Variants in RYR1 observed in about 807,000 individuals in gnomAD.
The protein encoded by RYR1 is central core disease of muscle.
RYR1 carries 342 observed loss-of-function variants against 583.5 expected under a neutral mutation model. The ratio of observed to expected loss-of-function variants is 0.59; its 90% CI spans 0.54 to 0.64. The LOEUF (loss-of-function observed/expected upper bound fraction) is 0.64, where lower values mean the gene tolerates loss of function less well. Ranked by LOEUF, RYR1 falls within the 30% of genes least tolerant of loss-of-function variation. The pLI is 0.00. For missense variants in RYR1, 6,032 were observed against 6,917.2 expected (o/e 0.87, Z 4.54); for synonymous variants, 2,791 against 2,822.5 (o/e 0.99, Z 0.35).
Position 38,520,367 on chromosome 19 carries a change from C to CTT in RYR1, c.10259+927_10259+928dup, listed in dbSNP as rs34261000. Among the ~76,000 whole-genome samples, 1,100 of 136,792 alleles carry CTT rather than the reference C, an allele frequency of 8.0e-3. 11 individuals carry two copies. Among genetic ancestry groups the CTT allele is most frequent in the African/African-American group, 0.026 (956 of 37,196 alleles). 89.7% of individuals were successfully genotyped at this position (136,792 alleles called of 152,430 possible). ...AGAAGTGAGCCACCACACTTAGCTG[C>CTT]TTTTTTTTTTTTTTTAACACAACAA... On this transcript the variant is annotated intron_variant, in intron 67 of 105. Coordinates refer to ENST00000359596, the MANE Select transcript of RYR1 (RefSeq NM_000540.3).
intron 99 of RYR1, among the ~76,000 whole-genome samples, chr19:38,578,734 T>C (rs979620281): frequency 2.0e-5 from 3 of 152,062 alleles, no homozygotes; most frequent in African/African-American, 7.2e-5. Flanking sequence ...GAGGCTGCAG[T>C]GAGCCAAGAT....
In RYR1 at chr19:38,461,234, A is replaced by G. The variant is rs1055119728; in HGVS notation, c.2577+643A>G. ...TCGCGCTTGAGCCCGAAAGTTCGAG[A>G]TTAGTATGGGTAACATAGTGATACC... is the stretch of plus-strand genomic sequence containing the variant. On this transcript the variant is annotated intron_variant, in intron 20 of 105. Coordinates refer to ENST00000359596, the MANE Select transcript of RYR1 (RefSeq NM_000540.3). Among the ~76,000 whole-genome samples the G allele has an allele frequency of 4.6e-5, 7 of 152,266 alleles. No homozygotes were observed. The East Asian group carries it at 9.7e-4, about 21-fold the overall frequency.
At chr19:38,568,138 C>G (rs1973532949) in intron 93 of RYR1, among the ~76,000 whole-genome samples, 1 of 152,196 alleles carries the variant, frequency 6.6e-6, no homozygotes, top group South Asian at 2.1e-4. Context: ...GCTCACTATC[C>G]TTATTCCAAC....
chr19:38,504,128 C>T (rs1970328779), intron 49 of RYR1, 92 bp from the exon 50 acceptor site: 9 of 1,384,168 alleles, frequency 6.5e-6, no homozygotes, highest in Non-Finnish European at 8.0e-6. Flanking sequence ...AATTTAAAAG[C>T]ACTGGCATGC....
intron 76 of RYR1, among the ~76,000 whole-genome samples, chr19:38,530,080 A>G (rs1971663026): frequency 6.6e-6 from 1 of 151,994 alleles, no homozygotes; most frequent in African/African-American, 2.4e-5. Context: ...CCCAGGTTCA[A>G]GCAAGTGGGA....
In RYR1 at chr19:38,502,866, G is replaced by A. The variant is rs960439221; in HGVS notation, c.7836-14G>A. 5 of 1,608,758 alleles carry A rather than the reference G, an allele frequency of 3.1e-6. No individual in the cohort carries two copies. Among genetic ancestry groups the A allele is most frequent in the Middle Eastern group, 1.7e-4 (1 of 6,054 alleles). ...CTGGACGGGGGATTCTACATCTTGT[G>A]CATTGTCCCGCAGGTACATCCGCCC... is the stretch of plus-strand genomic sequence containing the variant. On this transcript the variant is annotated splice_polypyrimidine_tract_variant and intron_variant, in intron 48 of 105. Coordinates refer to ENST00000359596, the MANE Select transcript of RYR1 (RefSeq NM_000540.3).
intron 74 of RYR1, 64 bp from the exon 75 acceptor site, chr19:38,528,535 G>C: frequency 6.3e-7 from 1 of 1,596,746 alleles, no homozygotes; most frequent in Non-Finnish European, 8.6e-7. Context: ...GGCTGCAGGC[G>C]CATGGGAGGT....
chr19:38,492,360 CAA>C (rs60482983), intron 37 of RYR1, 128 bp from the exon 38 acceptor site: 24,653 of 680,138 alleles, frequency 0.036, no homozygotes, highest in East Asian at 0.045. Context: ...GACACTGTCT[CAA>C]AAAAAAAAAA....
chr19:38,559,145 A>G (rs772280078), intron 89 of RYR1, among the ~76,000 whole-genome samples: 6 of 152,102 alleles, frequency 3.9e-5, no homozygotes, highest in Non-Finnish European at 8.8e-5. Flanking sequence ...ATGATGACAC[A>G]GAGAGATCAG....
Position 38,491,138 on chromosome 19 carries a change from C to T in RYR1, c.6127+406C>T, listed in dbSNP as rs138577870. On this transcript the variant is annotated intron_variant, in intron 37 of 105. Coordinates refer to ENST00000359596, the MANE Select transcript of RYR1 (RefSeq NM_000540.3). ...GTCTGCTGATAGTCTTACTGAGATT[C>T]CCTTGCACATGATGAATTATTTTTC... Among the ~76,000 whole-genome samples, 783 of 152,238 alleles carry T rather than the reference C, an allele frequency of 5.1e-3. 2 individuals are homozygous for T. The highest frequency in any genetic ancestry group is 0.018 in the African/African-American group (732 of 41,530).
At chr19:38,567,122 C>A in intron 92 of RYR1, 135 bp downstream of exon 92, 1 of 1,388,408 alleles carries the variant, frequency 7.2e-7, no homozygotes, top group South Asian at 1.3e-5. Flanking sequence ...GACTCAGGCA[C>A]GGAGGAGGGG....
At chr19:38,554,407 C>T (rs1182757964) in intron 89 of RYR1, among the ~76,000 whole-genome samples, 2 of 149,218 alleles carry the variant, frequency 1.3e-5, no homozygotes, top group East Asian at 4.0e-4. Context: ...GCTGAGATTG[C>T]GCCACTGCAC....
Position 38,483,165 on chromosome 19 carries a change from G to A in RYR1, c.4707+52G>A. 2 of 1,601,692 alleles carry A rather than the reference G, an allele frequency of 1.2e-6. No homozygotes were observed. The highest frequency in any genetic ancestry group is 8.6e-7 in the Non-Finnish European group (1 of 1,168,768). On this transcript the variant is annotated intron_variant, in intron 32 of 105. Transcript: ENST00000359596. This position sits in a 1 kb window ranked among gnomAD's most constrained non-coding sequence, Gnocchi z 6.3. ...ATGGGGCCAGGCTGAGGCAGGAGAT[G>A]TGGGGAGGCCAGGCGGGCAGAGCCA...
chr19:38,552,584 GAAA>G, intron 89 of RYR1, among the ~76,000 whole-genome samples: 1 of 152,152 alleles, frequency 6.6e-6, no homozygotes, highest in Non-Finnish European at 1.5e-5. Context: ...TATGGATGTG[GAAA>G]CTGAGGCACA....
intron 1 of RYR1, among the ~76,000 whole-genome samples, chr19:38,438,913 T>C (rs1417110933): frequency 6.6e-6 from 1 of 151,520 alleles, no homozygotes; most frequent in Non-Finnish European, 1.5e-5. Context: ...CCGCCGTGCC[T>C]GGCCCCAGGC....
intron 84 of RYR1, among the ~76,000 whole-genome samples, chr19:38,541,278 C>A (rs118087063): frequency 0.023 from 3,463 of 152,276 alleles, 91 homozygotes; most frequent in Admixed American, 0.073. Context: ...GAAGCACACA[C>A]TTCTTCTTTT....
intron 84 of RYR1, among the ~76,000 whole-genome samples, chr19:38,541,331 A>G (rs1374075630): frequency 6.6e-6 from 1 of 152,244 alleles, no homozygotes; most frequent in Non-Finnish European, 1.5e-5. Flanking sequence ...AACAGAATGC[A>G]TGGCACAGAG....
In RYR1 at chr19:38,565,308, C is replaced by T. The variant is rs1599635171; in HGVS notation, c.12974C>T (p.Ala4325Val). The change falls in exon 91 of 106, where the codon GCC becomes GTC. Residue 4325 changes from alanine to valine, a missense_variant. This residue lies in a region of RYR1 where 753 missense variants were observed against 759.6 expected (regional missense o/e 0.99). Coordinates refer to ENST00000359596, the MANE Select transcript of RYR1 (RefSeq NM_000540.3). The surrounding 1 kb of genome is among the most constrained non-coding windows in gnomAD (Gnocchi z 4.7). ...RRVRRLRRLT[A>V]REAATAVAAL... ...GTGCGGCGGCTGCGGCGGCTTACGG[C>T]CCGCGAGGCGGCCACCGCAGTGGCG... 5 of 1,116,644 alleles carry T rather than the reference C, an allele frequency of 4.5e-6. 1 individual carries two copies. The East Asian group carries it at 2.4e-4, about 54-fold the overall frequency. The allele number at this position is 1,116,644 out of a possible 1,614,324, so 69.2% of individuals were successfully genotyped here.
In RYR1 at chr19:38,525,513, A is replaced by C; in HGVS notation, c.10626+11A>C. ...ACCCGTTACGCCCTGGTGCCTGCCC[A>C]GCCCCGTCCTCGGAACCTTCCAGGA... On this transcript the variant is annotated intron_variant, in intron 71 of 105. Coordinates refer to ENST00000359596, the MANE Select transcript of RYR1 (RefSeq NM_000540.3). 1 of 1,613,122 alleles carries C rather than the reference A, an allele frequency of 6.2e-7. No individual in the cohort carries two copies. The highest frequency in any genetic ancestry group is 1.1e-5 in the South Asian group (1 of 91,012).
Sources: gnomAD v4.1 joint callset for allele counts (sites outside exome capture counted in the v4.1 genomes callset) on GRCh38, gnomAD v4.1.1 for gene constraint, gnomAD v4.1.1 regional missense constraint, Gnocchi (gnomAD v3.1) non-coding constraint, MANE v1.5 for transcripts, NCBI Gene and HGNC (gene_info 2026-07-23, HGNC 2026-07-21) for gene names.